ACYP2: variants seen among roughly 807,000 people sequenced by gnomAD.
The protein encoded by ACYP2 is acylphosphatase 2, also known as acylphosphatase-2.
ACYP2 carries 12 observed loss-of-function variants against 11.2 expected under a neutral mutation model. That is an observed-to-expected ratio of 1.08 (90% CI 0.69 to 1.74). ACYP2 has a LOEUF of 1.74. Among genes scored for constraint, ACYP2 ranks in the 40% most tolerant of loss-of-function variants. The probability of loss-of-function intolerance (pLI) is 0.00; values close to 1 mark genes in which losing one functional copy is unlikely to be tolerated. For missense variants in ACYP2, 134 were observed against 101.9 expected (o/e 1.31, Z -1.35); for synonymous variants, 43 against 32.2 (o/e 1.33, Z -1.13).
chr2:54,156,401 C>T (rs1682431745), intron 6 of ACYP2, among the ~76,000 whole-genome samples: 1 of 152,152 alleles, frequency 6.6e-6, no homozygotes, highest in African/African-American at 2.4e-5. Flanking sequence ...AGCTATTTAT[C>T]CTGATGCTCT....
At chr2:54,029,532 A>G (rs1674473514) in intron 2 of ACYP2, 2 of 400,226 alleles carry the variant, frequency 5.0e-6, no homozygotes, top group South Asian at 4.2e-5. Context: ...GCTCCTTCCC[A>G]TTGGTTCTCT....
chr2:54,210,097 C>T (rs1290039279), intron 6 of ACYP2, among the ~76,000 whole-genome samples: 8 of 142,200 alleles, frequency 5.6e-5, no homozygotes, highest in African/African-American at 8.2e-5. Context: ...GCTGAGATTG[C>T]GCCCCTGTAC....
rs572158952 is a variant in ACYP2 at position 54,267,017 on chromosome 2, G to T, written c.405-37671G>T. ...AGCTCTTCCTTTTAAACTCTACGGG[G>T]TACTCTCTGAGCCATTCTCAGCTAC... On this transcript the variant is annotated intron_variant, in intron 6 of 6. Transcript: ENST00000607452. 2.0e-5 allele frequency among the ~76,000 whole-genome samples: 3 copies of T among 152,194 alleles called. No individual in the cohort carries two copies. The South Asian group carries it at 6.2e-4, about 32-fold the overall frequency.
intron 6 of ACYP2, among the ~76,000 whole-genome samples, chr2:54,181,953 T>A (rs1683752518): frequency 6.6e-6 from 1 of 151,588 alleles, no homozygotes; most frequent in Non-Finnish European, 1.5e-5. Context: ...ATGGACCCTC[T>A]CTTACAAAAC....
At chr2:54,118,251 G>A (rs1679933083) in intron 4 of ACYP2, among the ~76,000 whole-genome samples, 1 of 152,182 alleles carries the variant, frequency 6.6e-6, no homozygotes, top group African/African-American at 2.4e-5. Flanking sequence ...TTTGAAAACT[G>A]CCACAATAAG....
chr2:54,271,517 C>A (rs552987055), intron 6 of ACYP2, among the ~76,000 whole-genome samples: 4 of 152,140 alleles, frequency 2.6e-5, no homozygotes, highest in Non-Finnish European at 4.4e-5. Flanking sequence ...ACACTGGGAT[C>A]ATTTTCCATA....
At chr2:54,068,323 G>C (rs1365852025) in intron 4 of ACYP2, among the ~76,000 whole-genome samples, 1 of 152,120 alleles carries the variant, frequency 6.6e-6, no homozygotes, top group African/African-American at 2.4e-5. Context: ...AATACTTCCT[G>C]GGCCTCAGGG....
chr2:54,122,855 C>T (rs1464627653), intron 4 of ACYP2, among the ~76,000 whole-genome samples: 3 of 152,174 alleles, frequency 2.0e-5, no homozygotes, highest in Admixed American at 1.3e-4. Flanking sequence ...AGGGGCCCAA[C>T]AAATAACACC....
rs1688153097 is a variant in ACYP2 at position 54,268,833 on chromosome 2, TTTC to T, written c.405-35852_405-35850del. Among the ~76,000 whole-genome samples the T allele has an allele frequency of 2.0e-5, 3 of 152,090 alleles. No homozygotes were observed. The South Asian group carries it at 6.2e-4, about 32-fold the overall frequency. On this transcript the variant is annotated intron_variant, in intron 6 of 6. Coordinates refer to ENST00000607452, the MANE Select transcript of ACYP2 (RefSeq NM_001320586.2). ...AACAATTATTTTAAGGTTGTGAGTT[TTTC>T]TTTTTTTTCCTTAATAGTTAAAAAT...
At chr2:54,040,705 A>T (rs1675176831) in intron 2 of ACYP2, among the ~76,000 whole-genome samples, 1 of 152,212 alleles carries the variant, frequency 6.6e-6, no homozygotes, top group African/African-American at 2.4e-5. Flanking sequence ...ATCAAGTAAG[A>T]TGAAAATTAA....
chr2:54,200,628 T>A (rs1175777302), intron 6 of ACYP2, among the ~76,000 whole-genome samples: 1 of 152,256 alleles, frequency 6.6e-6, no homozygotes, highest in East Asian at 1.9e-4. Flanking sequence ...AACATGAATA[T>A]GCCACATTTT....
At chr2:54,236,132 C>T (rs1686467205) in intron 6 of ACYP2, among the ~76,000 whole-genome samples, 1 of 152,014 alleles carries the variant, frequency 6.6e-6, no homozygotes, top group South Asian at 2.1e-4. Context: ...GACAGGGTCT[C>T]ACCATGTTGC....
intron 2 of ACYP2, among the ~76,000 whole-genome samples, chr2:54,013,266 T>C (rs1406894741): frequency 1.1e-5 from 1 of 91,972 alleles, no homozygotes; most frequent in Non-Finnish European, 2.1e-5. Flanking sequence ...TGTGTGTGTG[T>C]GTGTGTGTGT....
chr2:54,153,464 T>TTTG (rs937459349), intron 6 of ACYP2, among the ~76,000 whole-genome samples: 2 of 151,314 alleles, frequency 1.3e-5, no homozygotes, highest in Non-Finnish European at 2.9e-5. Context: ...CTTAGGGTTT[T>TTTG]TTTTTTTTTT....
At chr2:54,251,804 A>G (rs115811395) in intron 6 of ACYP2, among the ~76,000 whole-genome samples, 1,753 of 152,306 alleles carry the variant, frequency 0.012, 29 homozygotes, top group African/African-American at 0.04. Flanking sequence ...GGTATAATAG[A>G]GATGTCTCCC....
At chr2:54,279,431 T>G (rs1192965530) in intron 6 of ACYP2, among the ~76,000 whole-genome samples, 1 of 152,244 alleles carries the variant, frequency 6.6e-6, no homozygotes, top group East Asian at 1.9e-4. Flanking sequence ...TCTGGCCTTT[T>G]ATTGAAAAAG....
intron 6 of ACYP2, among the ~76,000 whole-genome samples, chr2:54,204,002 T>C (rs1684963498): frequency 1.3e-5 from 2 of 151,948 alleles, no homozygotes; most frequent in African/African-American, 4.8e-5. Flanking sequence ...GTTGTTGTTA[T>C]TGTTGTTTTT....
At chr2:54,204,285 G>A (rs1310969075) in intron 6 of ACYP2, among the ~76,000 whole-genome samples, 7 of 149,146 alleles carry the variant, frequency 4.7e-5, no homozygotes, top group Admixed American at 1.3e-4. Context: ...GAGCCACTGC[G>A]CCCGGCCATG....
At chr2:54,186,489 A>G (rs1467172566) in intron 6 of ACYP2, among the ~76,000 whole-genome samples, 1 of 152,200 alleles carries the variant, frequency 6.6e-6, no homozygotes, top group African/African-American at 2.4e-5. Context: ...AGATTTATAT[A>G]TAAATAGCAT....
Sources: allele counts gnomAD v4.1 joint callset (sites outside exome capture counted in the v4.1 genomes callset), GRCh38; gene constraint gnomAD v4.1.1; transcripts MANE v1.5; gene names NCBI Gene and HGNC (gene_info 2026-07-23, HGNC 2026-07-21).